The following RFX7 variants were observed in gnomAD, a reference collection of about 807,000 sequenced individuals.
RFX7 encodes regulatory factor X7.
A neutral mutation model predicts 111.8 loss-of-function variants in RFX7; 26 were observed. The ratio of observed to expected loss-of-function variants is 0.23; its 90% CI spans 0.17 to 0.32. The LOEUF is 0.32. Among genes scored for constraint, RFX7 ranks in the 10% least tolerant of loss-of-function variants. The pLI is 1.00. For synonymous variants in RFX7, 624 were observed against 624.4 expected (o/e 1.00, Z 0.01); for missense variants, 1,573 against 1,772.9 (o/e 0.89, Z 2.02).
rs1697446029 is a variant in RFX7 at position 56,096,710 on chromosome 15, AAATGTT to A, written c.1108-96_1108-91del. ...TGTATATACTTTTAAGTCATTTATT[AAATGTT>A]AATGTTAAAAAGAAAAAAGTTCCTA... On this transcript the variant is annotated intron_variant, in intron 9 of 9. Transcript: ENST00000559447. 3 of 1,358,158 alleles carry A rather than the reference AAATGTT, an allele frequency of 2.2e-6. No individual in the cohort carries two copies. The Admixed American group carries it at 8.6e-5, about 39-fold the overall frequency. The allele number at this position is 1,358,158 out of a possible 1,614,324, so 84.1% of individuals were successfully genotyped here.
At chr15:56,222,267 C>A (rs1443772807) in intron 2 of RFX7, among the ~76,000 whole-genome samples, 1 of 152,096 alleles carries the variant, frequency 6.6e-6, no homozygotes, top group Non-Finnish European at 1.5e-5. Context: ...GTATCTTCCC[C>A]ATTCCTGCCC....
chr15:56,107,824 G>A (rs1422032165), intron 5 of RFX7, among the ~76,000 whole-genome samples: 1 of 151,932 alleles, frequency 6.6e-6, no homozygotes, highest in Non-Finnish European at 1.5e-5. Context: ...TGATCCCACA[G>A]ATAAAACAAT....
chr15:56,178,199 A>ACG, intron 3 of RFX7, among the ~76,000 whole-genome samples: 1 of 150,816 alleles, frequency 6.6e-6, no homozygotes, highest in Admixed American at 6.6e-5. Flanking sequence ...ACACACACAC[A>ACG]CACACACACA....
rs1481738110 is a variant in RFX7 at position 56,093,839 on chromosome 15, T to C, written c.3889A>G (p.Asn1297Asp). 13 of 1,613,820 alleles carry C rather than the reference T, an allele frequency of 8.1e-6. No individual in the cohort carries two copies. The highest frequency in any genetic ancestry group is 6.7e-5 in the Admixed American group (4 of 59,990). The part of the protein sequence containing the change: ...LEPSTVFPSA[N>D]PQNMIDSSTS... ...CTGGAATCGATCATATTTTGTGGGT[T>C]GGCACTAGGAAAAACAGTGGAAGGT... The change falls in exon 10 of 10, where the codon AAC becomes GAC. Residue 1297 changes from asparagine (N) to aspartate (D), a missense_variant. By Grantham distance (23) the Asn-to-Asp change is conservative (BLOSUM62 1). This residue lies in a region of RFX7 where 411 missense variants were observed against 478.1 expected (regional missense o/e 0.86). Coordinates refer to ENST00000559447, the MANE Select transcript of RFX7 (RefSeq NM_022841.7).
chr15:56,096,967 T>G (rs1416238811), intron 9 of RFX7, among the ~76,000 whole-genome samples: 2 of 152,178 alleles, frequency 1.3e-5, no homozygotes, highest in South Asian at 4.1e-4. Context: ...CTGTAAAGGT[T>G]ACCTACCAGA....
chr15:56,244,647 C>G (rs1267593460), upstream of RFX7, among the ~76,000 whole-genome samples: 2 of 150,236 alleles, frequency 1.3e-5, no homozygotes, highest in Admixed American at 1.3e-4. Context: ...CACCCAGGCT[C>G]TAAAGCATAG....
intron 2 of RFX7, among the ~76,000 whole-genome samples, chr15:56,235,873 T>C (rs1283057709): frequency 6.6e-6 from 1 of 152,086 alleles, no homozygotes; most frequent in Non-Finnish European, 1.5e-5. Flanking sequence ...AGATAATTTA[T>C]TTTTTTTATT....
intron 5 of RFX7, among the ~76,000 whole-genome samples, chr15:56,136,425 G>A (rs2042303927): frequency 6.9e-6 from 1 of 145,202 alleles, no homozygotes; most frequent in Non-Finnish European, 1.5e-5. Context: ...TTTGTCTGTT[G>A]CTGGTGTATA....
intron 3 of RFX7, among the ~76,000 whole-genome samples, chr15:56,163,089 A>G (rs887126458): frequency 1.3e-5 from 2 of 152,134 alleles, no homozygotes; most frequent in Admixed American, 6.5e-5. Flanking sequence ...TTTAGTTTCA[A>G]TCAAGTCTGT....
intron 2 of RFX7, among the ~76,000 whole-genome samples, chr15:56,231,605 C>T (rs1567054733): frequency 6.6e-6 from 1 of 152,100 alleles, no homozygotes; most frequent in Non-Finnish European, 1.5e-5. Flanking sequence ...TGGGTGGGGG[C>T]AGAGCCAAAC....
chr15:56,100,736 C>T (rs1375131551), intron 8 of RFX7, among the ~76,000 whole-genome samples: 2 of 152,118 alleles, frequency 1.3e-5, no homozygotes, highest in Non-Finnish European at 2.9e-5. Context: ...TTATTTTACA[C>T]AACTATTAAT....
chr15:56,134,770 C>G (rs1443712816), intron 5 of RFX7, among the ~76,000 whole-genome samples: 1 of 151,808 alleles, frequency 6.6e-6, no homozygotes, highest in Non-Finnish European at 1.5e-5. Flanking sequence ...CCCTACCGCC[C>G]TCCCCAACAA....
chr15:56,097,962 TG>T, intron 9 of RFX7, 118 bp downstream of exon 9: 2 of 778,406 alleles, frequency 2.6e-6, no homozygotes, highest in Non-Finnish European at 4.2e-6. Flanking sequence ...AATCTTCCTG[TG>T]GTCACAAAAT....
chr15:56,200,938 T>G (rs2043187638), intron 2 of RFX7, among the ~76,000 whole-genome samples: 1 of 152,200 alleles, frequency 6.6e-6, no homozygotes, highest in African/African-American at 2.4e-5. Flanking sequence ...AAGTCTTTTT[T>G]TTTTTAACTG....
chr15:56,189,472 C>A (rs1395325574), intron 2 of RFX7, among the ~76,000 whole-genome samples: 1 of 151,796 alleles, frequency 6.6e-6, no homozygotes, highest in African/African-American at 2.4e-5. Context: ...AAAACAACTA[C>A]ATAAAATACT....
chr15:56,102,773 A>T (rs2041773660), intron 6 of RFX7, among the ~76,000 whole-genome samples: 1 of 152,226 alleles, frequency 6.6e-6, no homozygotes, highest in Middle Eastern at 3.2e-3. Context: ...AGGTCGTGCC[A>T]ACTAGTGGTT....
chr15:56,089,758 T>C lies in RFX7; in HGVS notation c.*3587A>G, dbSNP rs2041573091. On this transcript the variant is annotated 3_prime_UTR_variant, in exon 10 of 10. Transcript: ENST00000559447. Reference sequence around the variant, plus strand: ...TACTTTTGAATTTTGATCTGCAGGCTCAGCTTTCATGGGAGCCTTCCTGCT... The same window carrying C: ...TACTTTTGAATTTTGATCTGCAGGCCCAGCTTTCATGGGAGCCTTCCTGCT... The C allele has an allele frequency of 6.6e-6, 1 of 152,120 alleles. No individual in the cohort carries two copies. The highest frequency in any genetic ancestry group is 2.4e-5 in the African/African-American group (1 of 41,426). 9.4% of individuals were successfully genotyped at this position (152,120 alleles called of 1,614,324 possible). A position where few individuals can be genotyped will look rare whatever the true frequency, so the allele number is the denominator to read the frequency against.
At chr15:56,215,929 C>T (rs368451810) in intron 2 of RFX7, among the ~76,000 whole-genome samples, 36 of 152,238 alleles carry the variant, frequency 2.4e-4, no homozygotes, top group Middle Eastern at 3.4e-3. Context: ...AGGCCTTATA[C>T]CTCATCACAA....
intron 2 of RFX7, 62 bp downstream of exon 2, chr15:56,243,049 GCCCGCCGCCCCCCA>G: frequency 8.4e-6 from 4 of 476,980 alleles, no homozygotes; most frequent in Non-Finnish European, 1.5e-5. Context: ...CGCTCCCCCC[GCCCGCCGCCCCCCA>G]CCCACTTTGC....
Sources: gnomAD v4.1 joint callset for allele counts (sites outside exome capture counted in the v4.1 genomes callset) on GRCh38, gnomAD v4.1.1 for gene constraint, gnomAD v4.1.1 regional missense constraint, MANE v1.5 for transcripts, NCBI Gene and HGNC (gene_info 2026-07-23, HGNC 2026-07-21) for gene names.